AREL1: variants seen among roughly 807,000 people sequenced by gnomAD.
The protein encoded by AREL1 is apoptosis resistant E3 ubiquitin protein ligase 1.
Under a neutral mutation model 99.0 loss-of-function variants are expected in AREL1, and 62 were observed. That is an observed-to-expected ratio of 0.63 (90% CI 0.51 to 0.77). The LOEUF is 0.77. Among genes scored for constraint, AREL1 ranks in the 30% least tolerant of loss-of-function variants. The pLI is 0.00. For synonymous variants in AREL1, 380 were observed against 376.5 expected (o/e 1.01, Z -0.11); for missense variants, 879 against 1,027.6 (o/e 0.86, Z 1.98).
chr14:74,707,973 A>G (rs547582962), intron 1 of AREL1, among the ~76,000 whole-genome samples: 8 of 152,154 alleles, frequency 5.3e-5, no homozygotes, highest in Admixed American at 1.3e-4. Flanking sequence ...AAAAAAAAAA[A>G]AAAGAAATTA....
intron 17 of AREL1, among the ~76,000 whole-genome samples, chr14:74,666,011 C>A (rs1416938727): frequency 1.3e-5 from 2 of 152,046 alleles, no homozygotes; most frequent in Non-Finnish European, 2.9e-5. Flanking sequence ...ATTCCTCAGC[C>A]CAAAAAATAA....
At chr14:74,690,939 T>G (rs1201570301) in intron 2 of AREL1, 1 of 152,184 alleles carries the variant, frequency 6.6e-6, no homozygotes, top group Non-Finnish European at 1.5e-5. Context: ...TATTCTCGTT[T>G]TATGGATTTT....
intron 2 of AREL1, 53 bp from the exon 3 acceptor site, chr14:74,685,713 T>C (rs1594769018): frequency 2.0e-6 from 3 of 1,505,996 alleles, no homozygotes; most frequent in Admixed American, 3.5e-5. Context: ...CTCATAGCTA[T>C]CTCAGAGTAA....
At chr14:74,711,021 C>T (rs1468603464) in intron 1 of AREL1, among the ~76,000 whole-genome samples, 2 of 151,854 alleles carry the variant, frequency 1.3e-5, no homozygotes, top group Admixed American at 6.6e-5. Context: ...CACCTGAGGT[C>T]GGGAGTTCAA....
At chr14:74,697,244 C>G (rs765842012) in intron 1 of AREL1, among the ~76,000 whole-genome samples, 18 of 152,106 alleles carry the variant, frequency 1.2e-4, no homozygotes, top group Non-Finnish European at 2.5e-4. Context: ...TGGCAGCAAA[C>G]AGAAGTTCTG....
At chr14:74,670,544 G>C in intron 13 of AREL1, 1 of 525,752 alleles carries the variant, frequency 1.9e-6, no homozygotes, top group South Asian at 2.6e-5. Context: ...AATGTTTTTA[G>C]TCAAATATTC....
In AREL1 at chr14:74,676,985, G is replaced by A. The variant is rs568829937; in HGVS notation, c.482-233C>T. 7.2e-5 allele frequency among the ~76,000 whole-genome samples: 11 copies of A among 151,904 alleles called. No individual in the cohort carries two copies. The East Asian group carries it at 1.8e-3, about 24-fold the overall frequency. On this transcript the variant is annotated intron_variant, in intron 5 of 19. Coordinates refer to ENST00000356357, the MANE Select transcript of AREL1 (RefSeq NM_001039479.2). Reference sequence around the variant, plus strand: ...AGAATTTTTTTTTGTATTTTTAGTGGAGACGGGGTTTCACTGTGTTAGCCA... The same window carrying A: ...AGAATTTTTTTTTGTATTTTTAGTGAAGACGGGGTTTCACTGTGTTAGCCA...
At chr14:74,691,349 G>T (rs1267529724) in intron 2 of AREL1, among the ~76,000 whole-genome samples, 1 of 61,300 alleles carries the variant, frequency 1.6e-5, no homozygotes, top group Non-Finnish European at 3.6e-5. Context: ...AAAAAAAAAA[G>T]CCTACGTCTA....
In AREL1 at chr14:74,674,043, T is replaced by C. The variant is rs371419779; in HGVS notation, c.1149A>G (p.Pro383=). The C allele has an allele frequency of 2.5e-6, 4 of 1,612,556 alleles. No individual in the cohort carries two copies. Among genetic ancestry groups the C allele is most frequent in the East Asian group, 2.2e-5 (1 of 44,872 alleles). ...PWRLYTFRVC[P]GTKFSYLGPD... ...GTAAGGTTCAGCTTACTTTTGTTCC[T>C]GGACACACTCGGAAGGTGTAAAGGC... Residue 383 remains proline (P), a synonymous_variant, in exon 9 of 20, where the codon CCA becomes CCG. Transcript: ENST00000356357.
intron 1 of AREL1, among the ~76,000 whole-genome samples, chr14:74,693,767 A>G (rs562643306): frequency 2.0e-5 from 3 of 152,354 alleles, no homozygotes; most frequent in African/African-American, 7.2e-5. Context: ...ACTATGGGAA[A>G]CCAAGGAAGA....
At chr14:74,674,653 A>T (rs983704655) in intron 8 of AREL1, among the ~76,000 whole-genome samples, 2 of 152,182 alleles carry the variant, frequency 1.3e-5, no homozygotes, top group African/African-American at 4.8e-5. Flanking sequence ...TTTCACACAG[A>T]GATATTTCAT....
chr14:74,678,343 A>T (rs2089542519), intron 5 of AREL1: 1 of 379,716 alleles, frequency 2.6e-6, no homozygotes, highest in Admixed American at 3.8e-5. Flanking sequence ...CAAAAAAGAT[A>T]AAAAATTAGC....
At position 74,684,471 on chromosome 14, in the gene AREL1, T is replaced by C. The variant is rs1334601460; in HGVS notation, c.226A>G (p.Met76Val). 6.2e-7 allele frequency: 1 copy of C among 1,614,138 alleles called. No homozygotes were observed. Among genetic ancestry groups the C allele is most frequent in the Admixed American group, 1.7e-5 (1 of 60,016 alleles). ...TCCCTTACATGCACTCGGAAGGCCA[T>C]GCTGTGGCCCACCTCATAGGGGTCC... is the stretch of plus-strand genomic sequence containing the variant. ...WKDPYEVGHS[M>V]AFRVHLFYKN... The change falls in exon 4 of 20, where the codon ATG becomes GTG. Residue 76 changes from methionine (M) to valine (V), a missense_variant. By Grantham distance (21) the Met-to-Val change is conservative. Transcript: ENST00000356357.
At chr14:74,689,721 C>T (rs1212790293) in intron 2 of AREL1, among the ~76,000 whole-genome samples, 1 of 150,850 alleles carries the variant, frequency 6.6e-6, no homozygotes, top group Non-Finnish European at 1.5e-5. Flanking sequence ...CTCAGCCTCC[C>T]GAGTAGCTGG....
intron 1 of AREL1, among the ~76,000 whole-genome samples, chr14:74,711,387 A>T (rs2090284131): frequency 6.7e-6 from 1 of 149,326 alleles, no homozygotes; most frequent in Non-Finnish European, 1.5e-5. Flanking sequence ...AAAAATACAA[A>T]AATTAGCAAG....
intron 2 of AREL1, chr14:74,690,917 G>A (rs1329428764): frequency 6.6e-6 from 1 of 152,052 alleles, no homozygotes; most frequent in East Asian, 1.9e-4. Context: ...AACTTGGTAA[G>A]ATGAATACTA....
At position 74,662,784 on chromosome 14, in the gene AREL1, T is replaced by C. The variant is rs1330511099; in HGVS notation, c.*936A>G. The C allele has an allele frequency of 2.5e-6, 1 of 394,512 alleles. No individual in the cohort carries two copies. The highest frequency in any genetic ancestry group is 4.4e-5 in the Admixed American group (1 of 22,628). The allele number at this position is 394,512 out of a possible 1,614,324, so 24.4% of individuals were successfully genotyped here. ...GGGATTGCTGGCATACTATTCTTAC[T>C]GTTCTAATCTTTTGCTACAAAATTT... is the stretch of plus-strand genomic sequence containing the variant. On this transcript the variant is annotated 3_prime_UTR_variant, in exon 20 of 20. Transcript: ENST00000356357.
intron 1 of AREL1, among the ~76,000 whole-genome samples, chr14:74,698,562 G>A (rs1056959376): frequency 6.6e-6 from 1 of 152,192 alleles, no homozygotes; most frequent in Non-Finnish European, 1.5e-5. Flanking sequence ...GGATAAATAA[G>A]ACAGGGTGCT....
chr14:74,699,383 G>C (rs12434824), intron 1 of AREL1, among the ~76,000 whole-genome samples: 1 of 150,618 alleles, frequency 6.6e-6, no homozygotes, highest in Non-Finnish European at 1.5e-5. Context: ...GTGTGAGAGA[G>C]AGAGAGAGAG....
Sources: allele counts gnomAD v4.1 joint callset (sites outside exome capture counted in the v4.1 genomes callset), GRCh38; gene constraint gnomAD v4.1.1; transcripts MANE v1.5; gene names NCBI Gene and HGNC (gene_info 2026-07-23, HGNC 2026-07-21).